Variants in SGPP1 observed in about 807,000 individuals in gnomAD.
SGPP1 encodes hSPP1.
In SGPP1, 21 loss-of-function variants were observed where a neutral mutation model predicts 33.0. The observed-to-expected ratio is 0.64, with a 90% CI of 0.45 to 0.92. SGPP1 has a LOEUF of 0.92. Ranked by LOEUF, SGPP1 falls within the 40% of genes least tolerant of loss-of-function variation. SGPP1 has a pLI of 0.00. For synonymous variants in SGPP1, 239 were observed against 241.2 expected (o/e 0.99, Z 0.08); for missense variants, 543 against 589.4 (o/e 0.92, Z 0.81).
chr14:63,725,422 T>G (rs1426951081), intron 1 of SGPP1, among the ~76,000 whole-genome samples: 1 of 152,036 alleles, frequency 6.6e-6, no homozygotes, highest in East Asian at 1.9e-4. Flanking sequence ...AAATTTAGAG[T>G]GAAAAAATGT....
chr14:63,720,309 AGGATG>A (rs1385461220), intron 1 of SGPP1, among the ~76,000 whole-genome samples: 2 of 151,852 alleles, frequency 1.3e-5, no homozygotes, highest in African/African-American at 4.8e-5. Context: ...AAAGGAAGGA[AGGATG>A]GGAAGGAAAG....
Position 63,727,241 on chromosome 14 carries a change from A to T in SGPP1, c.684+20T>A. On this transcript the variant is annotated intron_variant, in intron 1 of 2. Coordinates refer to ENST00000247225, the MANE Select transcript of SGPP1 (RefSeq NM_030791.4). ...TTCTTTGAACTCCCCCAGGCTGAACAGGACGAGAAGGAACCCTACCTGCCA... is the reference window on the plus strand; with the variant it reads ...TTCTTTGAACTCCCCCAGGCTGAACTGGACGAGAAGGAACCCTACCTGCCA... The T allele has an allele frequency of 6.3e-7, 1 of 1,587,540 alleles. No individual in the cohort carries two copies. The highest frequency in any genetic ancestry group is 8.6e-7 in the Non-Finnish European group (1 of 1,165,798).
intron 1 of SGPP1, among the ~76,000 whole-genome samples, chr14:63,720,095 C>T (rs1175657427): frequency 7.0e-6 from 1 of 143,844 alleles, no homozygotes; most frequent in Non-Finnish European, 1.5e-5. Context: ...CACTGCACTC[C>T]AGCCGGGCGA....
intron 1 of SGPP1, among the ~76,000 whole-genome samples, chr14:63,711,011 C>T (rs1177449889): frequency 1.4e-5 from 2 of 146,152 alleles, no homozygotes; most frequent in Non-Finnish European, 3.0e-5. Flanking sequence ...AGATTGTTTT[C>T]TTTCTTTTTT....
At chr14:63,686,687 T>C in intron 2 of SGPP1, 31 bp from the exon 3 acceptor site, 1 of 1,417,106 alleles carries the variant, frequency 7.1e-7, no homozygotes, top group Non-Finnish European at 9.6e-7. Flanking sequence ...CGTTGTTTAG[T>C]ATAATACTGA....
intron 1 of SGPP1, among the ~76,000 whole-genome samples, chr14:63,709,410 C>A (rs1205474319): frequency 6.6e-6 from 1 of 151,518 alleles, no homozygotes; most frequent in Non-Finnish European, 1.5e-5. Flanking sequence ...CTATCCCTCT[C>A]TCTTTACAGT....
intron 1 of SGPP1, among the ~76,000 whole-genome samples, chr14:63,703,893 A>T (rs1313105474): frequency 1.4e-5 from 2 of 143,680 alleles, no homozygotes; most frequent in Non-Finnish European, 3.0e-5. Context: ...TGGTTCAATC[A>T]TAGTTCACCA....
At chr14:63,711,015 C>CTTTT (rs1392932036) in intron 1 of SGPP1, among the ~76,000 whole-genome samples, 8 of 140,712 alleles carry the variant, frequency 5.7e-5, no homozygotes, top group African/African-American at 2.1e-4. Flanking sequence ...TGTTTTCTTT[C>CTTTT]TTTTTTTTTT....
Position 63,728,052 on chromosome 14 carries a change from G to C in SGPP1, c.-108C>G, listed in dbSNP as rs538324501. 1.6e-4 allele frequency: 191 copies of C among 1,173,862 alleles called. No individual in the cohort carries two copies. In the African/African-American group the frequency reaches 2.6e-3, roughly 16 times the overall value. The allele number at this position is 1,173,862 out of a possible 1,614,324, so 72.7% of individuals were successfully genotyped here. A position where few individuals can be genotyped will look rare whatever the true frequency, so the allele number is the denominator to read the frequency against. The stretch of plus-strand genomic sequence containing the variant: ...CCGGCACAGCGCTCTACCCTCCGGA[G>C]TCTGCCGGGTGACGGCGCCACAGGC... On this transcript the variant is annotated 5_prime_UTR_variant, in exon 1 of 3. Coordinates refer to ENST00000247225, the MANE Select transcript of SGPP1 (RefSeq NM_030791.4).
At chr14:63,721,634 G>A (rs796504558) in intron 1 of SGPP1, among the ~76,000 whole-genome samples, 1 of 152,044 alleles carries the variant, frequency 6.6e-6, no homozygotes, top group South Asian at 2.1e-4. Flanking sequence ...TCTTTACTGT[G>A]ACCTACTTTT....
intron 2 of SGPP1, among the ~76,000 whole-genome samples, chr14:63,693,172 A>T (rs1885120609): frequency 6.6e-6 from 1 of 152,192 alleles, no homozygotes; most frequent in African/African-American, 2.4e-5. Context: ...GGCTCAAGTG[A>T]TCCACCCGCC....
chr14:63,720,456 G>A (rs1170308639), intron 1 of SGPP1, among the ~76,000 whole-genome samples: 1 of 151,340 alleles, frequency 6.6e-6, no homozygotes, highest in Non-Finnish European at 1.5e-5. Flanking sequence ...ATTACCTTGT[G>A]TATGAATAAT....
At position 63,719,827 on chromosome 14, in the gene SGPP1, AAAG is replaced by A. The variant is rs531138532; in HGVS notation, c.684+7431_684+7433del. Among the ~76,000 whole-genome samples, 48 of 151,800 alleles carry A rather than the reference AAAG, an allele frequency of 3.2e-4. No individual in the cohort carries two copies. The South Asian group carries it at 9.8e-3, about 31-fold the overall frequency. On this transcript the variant is annotated intron_variant, in intron 1 of 2. Transcript: ENST00000247225. ...CATTAATTGTTGGACTTAAAAAAAA[AAAG>A]AAGGCCAGGCACGGTGGCTCATGCC... is the stretch of plus-strand genomic sequence containing the variant.
chr14:63,711,226 G>A (rs2139646998), intron 1 of SGPP1, among the ~76,000 whole-genome samples: 1 of 152,094 alleles, frequency 6.6e-6, no homozygotes, highest in Middle Eastern at 3.4e-3. Flanking sequence ...TGTTGGCCAG[G>A]TTGGTCTTGA....
chr14:63,688,248 C>A (rs969661322), intron 2 of SGPP1, among the ~76,000 whole-genome samples: 1 of 139,870 alleles, frequency 7.1e-6, no homozygotes, highest in African/African-American at 2.7e-5. Flanking sequence ...CCCGGGAGGC[C>A]GAGGTTGCAG....
intron 2 of SGPP1, among the ~76,000 whole-genome samples, chr14:63,687,114 T>C (rs1043629164): frequency 4.6e-5 from 7 of 152,126 alleles, no homozygotes; most frequent in African/African-American, 1.4e-4. Context: ...CCAACCCCTA[T>C]TTTAGGGGTT....
chr14:63,686,269 T>G lies in SGPP1; in HGVS notation c.1162A>C (p.Ile388Leu). Residue 388 changes from isoleucine to leucine, a missense_variant, in exon 3 of 3, where the codon ATT becomes CTT. Physicochemically the swap from Ile to Leu is conservative, Grantham distance 5. Transcript: ENST00000247225. ...IIRDVMKKIT[I>L]PLACKIFNIP... ...TTGAAGATTTTGCAGGCTAAAGGAA[T>G]GGTGATCTTTTTCATTACATCTCTG... 1.2e-6 allele frequency: 2 copies of G among 1,614,198 alleles called. No individual in the cohort carries two copies. Among genetic ancestry groups the G allele is most frequent in the Non-Finnish European group, 8.5e-7 (1 of 1,180,026 alleles).
chr14:63,713,865 G>C (rs1182724987), intron 1 of SGPP1, among the ~76,000 whole-genome samples: 1 of 152,190 alleles, frequency 6.6e-6, no homozygotes, highest in East Asian at 1.9e-4. Context: ...TTTTGGGTGT[G>C]TCTGTGAGCA....
intron 1 of SGPP1, among the ~76,000 whole-genome samples, chr14:63,709,303 G>A (rs141210869): frequency 4.0e-4 from 60 of 151,648 alleles, no homozygotes; most frequent in Non-Finnish European, 5.9e-4. Context: ...GAACCCAGGC[G>A]GCAGAGGTTG....
Sources: allele counts gnomAD v4.1 joint callset (sites outside exome capture counted in the v4.1 genomes callset), GRCh38; gene constraint gnomAD v4.1.1; transcripts MANE v1.5; gene names NCBI Gene and HGNC (gene_info 2026-07-23, HGNC 2026-07-21).